Variants in TM9SF4 observed in about 807,000 individuals in gnomAD.
TM9SF4 encodes the protein transmembrane 9 superfamily member 4, also known as dinucleotide oxidase disulfide thiol exchanger 3 superfamily member 4.
In TM9SF4, 26 loss-of-function variants were observed where a neutral mutation model predicts 90.4. That is an observed-to-expected ratio of 0.29 (90% confidence interval 0.21 to 0.40). The LOEUF (loss-of-function observed/expected upper bound fraction) is 0.40. Ranked by LOEUF, TM9SF4 falls within the 10% of genes least tolerant of loss-of-function variation. The probability of loss-of-function intolerance (pLI) is 1.00; values close to 1 mark genes in which losing one functional copy is unlikely to be tolerated. For missense variants in TM9SF4, 549 were observed against 834.8 expected (o/e 0.66, Z 4.22); for synonymous variants, 293 against 315.4 (o/e 0.93, Z 0.75).
At chr20:32,144,294 T>C (rs532435229) in intron 6 of TM9SF4, among the ~76,000 whole-genome samples, 2 of 152,354 alleles carry the variant, frequency 1.3e-5, no homozygotes, top group Admixed American at 1.3e-4. Flanking sequence ...TAGTTGGTGC[T>C]TATTATATGT....
In TM9SF4 at chr20:32,132,197, A is replaced by G. The variant is rs191817014; in HGVS notation, c.16-816A>G. Among the ~76,000 whole-genome samples, 29 of 152,250 alleles carry G rather than the reference A, an allele frequency of 1.9e-4. 1 individual carries two copies. The highest frequency in any genetic ancestry group is 6.8e-3 in the Middle Eastern group (2 of 294). ...GGTGGGCAGATCACCTGAGGTCAGGAGTTGAAGACCAGCCCGGGCAATGTG... is the reference window on the plus strand; with the variant it reads ...GGTGGGCAGATCACCTGAGGTCAGGGGTTGAAGACCAGCCCGGGCAATGTG... On this transcript the variant is annotated intron_variant, in intron 1 of 17. Transcript: ENST00000398022.
At chr20:32,159,397 C>T (rs1265017872) in intron 15 of TM9SF4, 1 of 153,592 alleles carries the variant, frequency 6.5e-6, no homozygotes, top group Non-Finnish European at 1.4e-5. Flanking sequence ...CAAGTCAGTA[C>T]CGGACATGTA....
rs770437155 is a variant in TM9SF4 at position 32,161,312 on chromosome 20, G to A, written c.1726G>A (p.Gly576Arg). ...RWWWRNFLVSGGSAFYVLVYA... is the reference protein window; with the variant it reads ...RWWWRNFLVSRGSAFYVLVYA... ...GTGGTGGAGAAATTTCCTAGTCTCC[G>A]GGGGCTCTGCATTCTACGTCCTGGT... Residue 576 changes from glycine to arginine, a missense_variant, in exon 17 of 18, where the codon GGG becomes AGG. Transcript: ENST00000398022. 3 of 1,613,620 alleles carry A rather than the reference G, an allele frequency of 1.9e-6. No homozygotes were observed. The highest frequency in any genetic ancestry group is 1.7e-5 in the Admixed American group (1 of 59,984).
At position 32,165,680 on chromosome 20, in the gene TM9SF4, T is replaced by C. The variant is rs2047089830; in HGVS notation, c.*236T>C. 1 of 527,006 alleles carries C rather than the reference T, an allele frequency of 1.9e-6. No homozygotes were observed. Among genetic ancestry groups the C allele is most frequent in the Admixed American group, 3.2e-5 (1 of 31,656 alleles). 32.6% of individuals were successfully genotyped at this position (527,006 alleles called of 1,614,324 possible). A position where few individuals can be genotyped will look rare whatever the true frequency, so the allele number is the denominator to read the frequency against. ...GAGTTTTTTTGTGGGTTGCTTTTTC[T>C]TCAGTGCTAAGAAAGTTCCCTCCAA... On this transcript the variant is annotated 3_prime_UTR_variant, in exon 18 of 18. Coordinates refer to ENST00000398022, the MANE Select transcript of TM9SF4 (RefSeq NM_014742.4).
At chr20:32,160,778 A>G (rs985781131) in intron 16 of TM9SF4, among the ~76,000 whole-genome samples, 4 of 151,934 alleles carry the variant, frequency 2.6e-5, no homozygotes, top group East Asian at 1.9e-4. Flanking sequence ...GTGAAACCCC[A>G]TCGCTACTAA....
chr20:32,113,439 T>TA (rs769184871), intron 1 of TM9SF4, among the ~76,000 whole-genome samples: 10 of 152,198 alleles, frequency 6.6e-5, no homozygotes, highest in Non-Finnish European at 1.3e-4. Flanking sequence ...AGTTACAGGA[T>TA]ACAGTGTTGA....
At chr20:32,135,362 C>T (rs578076371) in intron 2 of TM9SF4, among the ~76,000 whole-genome samples, 17 of 152,260 alleles carry the variant, frequency 1.1e-4, no homozygotes, top group African/African-American at 3.9e-4. Flanking sequence ...TACTTTGTGC[C>T]TAGCTCTAAA....
intron 1 of TM9SF4, among the ~76,000 whole-genome samples, chr20:32,129,675 C>T (rs2046482564): frequency 6.6e-6 from 1 of 150,864 alleles, no homozygotes; most frequent in Admixed American, 6.6e-5. Flanking sequence ...ACTTCCGCCT[C>T]CCGGGTTCAA....
intron 1 of TM9SF4, among the ~76,000 whole-genome samples, chr20:32,118,795 C>T (rs533454533): frequency 6.6e-6 from 1 of 152,130 alleles, no homozygotes; most frequent in Non-Finnish European, 1.5e-5. Context: ...ACCACCATTC[C>T]TCATTAATTT....
intron 1 of TM9SF4, among the ~76,000 whole-genome samples, chr20:32,113,878 T>A (rs1213418210): frequency 6.6e-6 from 1 of 152,222 alleles, no homozygotes; most frequent in East Asian, 1.9e-4. Context: ...TAGATTTGCC[T>A]ATTCTGGACA....
intron 3 of TM9SF4, among the ~76,000 whole-genome samples, chr20:32,141,068 T>C (rs919260433): frequency 6.6e-6 from 1 of 151,524 alleles, no homozygotes; most frequent in African/African-American, 2.4e-5. Flanking sequence ...ATACAAAAAA[T>C]TAGCCGGGCG....
At chr20:32,133,743 G>A (rs910699748) in intron 2 of TM9SF4, among the ~76,000 whole-genome samples, 8 of 152,136 alleles carry the variant, frequency 5.3e-5, no homozygotes, top group African/African-American at 1.9e-4. Flanking sequence ...GGAAACCGAG[G>A]CCTGGGAAGG....
At chr20:32,143,241 C>A in intron 6 of TM9SF4, 136 bp downstream of exon 6, 1 of 1,119,950 alleles carries the variant, frequency 8.9e-7, no homozygotes, top group Non-Finnish European at 1.2e-6. Flanking sequence ...AAGGTAGGAT[C>A]ATGGTATTCT....
At chr20:32,159,278 G>A (rs1043366730) in intron 15 of TM9SF4, 1 of 152,402 alleles carries the variant, frequency 6.6e-6, no homozygotes, top group African/African-American at 2.4e-5. Context: ...TAATGGTGAT[G>A]ATGACTCCTC....
chr20:32,165,651 G>A lies in TM9SF4; in HGVS notation c.*207G>A, dbSNP rs2047089597. The A allele has an allele frequency of 1.7e-6, 1 of 584,402 alleles. No individual in the cohort carries two copies. The highest frequency in any genetic ancestry group is 2.3e-5 in the South Asian group (1 of 43,046). 36.2% of individuals were successfully genotyped at this position (584,402 alleles called of 1,614,324 possible). On this transcript the variant is annotated 3_prime_UTR_variant, in exon 18 of 18. Transcript: ENST00000398022. ...CGTCATCTTATTCCAGTTCTGTGGG[G>A]GATGAGTTTTTTTGTGGGTTGCTTT...
At chr20:32,144,373 T>C (rs565888895) in intron 6 of TM9SF4, among the ~76,000 whole-genome samples, 2 of 152,344 alleles carry the variant, frequency 1.3e-5, no homozygotes, top group African/African-American at 4.8e-5. Flanking sequence ...AACATCTGAA[T>C]GATTGATCAC....
intron 1 of TM9SF4, among the ~76,000 whole-genome samples, chr20:32,120,395 G>GTTTTTTTTTTTT (rs34639926): frequency 6.9e-5 from 8 of 116,224 alleles, no homozygotes; most frequent in East Asian, 2.5e-4. Context: ...TAAGTGGTGC[G>GTTTTTTTTTTTT]TTTTTTTTTT....
intron 9 of TM9SF4, among the ~76,000 whole-genome samples, 182 bp downstream of exon 9, chr20:32,147,037 G>C (rs1288063533): frequency 6.6e-6 from 1 of 150,752 alleles, no homozygotes; most frequent in South Asian, 2.1e-4. Context: ...CTGGAGTGCA[G>C]TGGTGTGATC....
intron 3 of TM9SF4, among the ~76,000 whole-genome samples, chr20:32,137,525 C>T (rs987208278): frequency 1.3e-5 from 2 of 152,192 alleles, no homozygotes; most frequent in Non-Finnish European, 2.9e-5. Context: ...GCATCTCATT[C>T]TGTCTTTGTA....
Sources: gnomAD v4.1 joint callset for allele counts (sites outside exome capture counted in the v4.1 genomes callset) on GRCh38, gnomAD v4.1.1 for gene constraint, MANE v1.5 for transcripts, NCBI Gene and HGNC (gene_info 2026-07-23, HGNC 2026-07-21) for gene names.